LIPK: variants seen among roughly 807,000 people sequenced by gnomAD.
The protein encoded by LIPK is lipase family member K.
In LIPK, 32 loss-of-function variants were observed where a neutral mutation model predicts 48.6. That is an observed-to-expected ratio of 0.66 (90% confidence interval 0.50 to 0.88). The LOEUF is 0.88. Ranked by LOEUF, LIPK falls within the 40% of genes least tolerant of loss-of-function variation. The pLI is 0.00. For synonymous variants in LIPK, 164 were observed against 157.4 expected, an observed-to-expected ratio of 1.04 and a Z score of -0.32; for missense variants, 507 against 478.5, an observed-to-expected ratio of 1.06 and a Z score of -0.56.
Position 88,732,177 on chromosome 10 carries a change from G to C in LIPK, c.423-1G>C. The C allele has an allele frequency of 6.4e-7, 1 of 1,561,206 alleles. No homozygotes were observed. The highest frequency in any genetic ancestry group is 8.7e-7 in the Non-Finnish European group (1 of 1,147,826). ...AATTTGTTATTCCTTCTTTTTGATA[G>C]TTTGGATGAGATGGCTAAATATGAC... On this transcript the variant is annotated splice_acceptor_variant, in intron 4 of 9. Coordinates refer to ENST00000404190, the MANE Select transcript of LIPK (RefSeq NM_001080518.2). LOFTEE classifies it high-confidence loss of function.
chr10:88,709,624 A>G (rs926824092), intron 1 of LIPK, among the ~76,000 whole-genome samples: 8 of 149,666 alleles, frequency 5.3e-5, no homozygotes, highest in Admixed American at 4.7e-4. Flanking sequence ...ACTCAAGTGC[A>G]TCCTCTTTCT....
At chr10:88,726,978 A>G (rs1385589167) in intron 3 of LIPK, 66 bp downstream of exon 3, 1 of 934,952 alleles carries the variant, frequency 1.1e-6, no homozygotes, top group East Asian at 2.6e-5. Context: ...TCCTGGGAGA[A>G]GTCAAGCAGT....
intron 6 of LIPK, among the ~76,000 whole-genome samples, chr10:88,733,873 T>A (rs1842518114): frequency 6.6e-6 from 1 of 152,194 alleles, no homozygotes; most frequent in Admixed American, 6.5e-5. Flanking sequence ...AAGGAAACTT[T>A]CCAGCTTGTT....
At chr10:88,743,142 T>C in intron 8 of LIPK, 108 bp from the exon 9 acceptor site, 1 of 611,982 alleles carries the variant, frequency 1.6e-6, no homozygotes, top group Non-Finnish European at 2.8e-6. Context: ...TAGCTTATGT[T>C]TCTAAAGACT....
chr10:88,718,211 A>C (rs916903999), intron 1 of LIPK, among the ~76,000 whole-genome samples: 3 of 150,934 alleles, frequency 2.0e-5, no homozygotes, highest in Admixed American at 6.6e-5. Context: ...ATGACAGGCA[A>C]GATATGGTTT....
chr10:88,707,883 G>A (rs1043404088), intron 1 of LIPK, among the ~76,000 whole-genome samples: 3 of 152,128 alleles, frequency 2.0e-5, no homozygotes, highest in Non-Finnish European at 4.4e-5. Context: ...ACCACTAATA[G>A]TTGTGAGTCA....
At chr10:88,722,166 G>A (rs138064813) in intron 1 of LIPK, among the ~76,000 whole-genome samples, 6,060 of 152,168 alleles carry the variant, frequency 0.04, 183 homozygotes, top group Non-Finnish European at 0.058. Flanking sequence ...GTGGCGGCAC[G>A]CGCCTGTAAT....
intron 1 of LIPK, among the ~76,000 whole-genome samples, chr10:88,719,847 T>C (rs914379268): frequency 6.6e-6 from 1 of 152,230 alleles, no homozygotes; most frequent in Admixed American, 6.5e-5. Flanking sequence ...CTCTATTACT[T>C]CTGATATTCT....
chr10:88,747,813 T>A (rs1842791546), intron 9 of LIPK, among the ~76,000 whole-genome samples: 1 of 152,212 alleles, frequency 6.6e-6, no homozygotes, highest in Non-Finnish European at 1.5e-5. Flanking sequence ...TTGATGGGAA[T>A]GTGAATTAAT....
chr10:88,731,704 C>A (rs1842471646), intron 4 of LIPK, among the ~76,000 whole-genome samples: 1 of 152,192 alleles, frequency 6.6e-6, no homozygotes, highest in African/African-American at 2.4e-5. Flanking sequence ...CTAGAAAATT[C>A]CCTAGGTAAG....
intron 1 of LIPK, among the ~76,000 whole-genome samples, chr10:88,707,633 A>G (rs1161233677): frequency 1.3e-5 from 2 of 152,118 alleles, no homozygotes; most frequent in Non-Finnish European, 2.9e-5. Flanking sequence ...GCACAGAGCT[A>G]CTGGCCTCTT....
In LIPK at chr10:88,752,372, C is replaced by A. The variant is rs1007488984; in HGVS notation, c.961-145C>A. 5 of 557,036 alleles carry A rather than the reference C, an allele frequency of 9.0e-6. No individual in the cohort carries two copies. The Admixed American group carries it at 1.3e-4, about 14-fold the overall frequency. The allele number at this position is 557,036 out of a possible 1,614,324, so 34.5% of individuals were successfully genotyped here. A position where few individuals can be genotyped will look rare whatever the true frequency, so the allele number is the denominator to read the frequency against. On this transcript the variant is annotated intron_variant, in intron 9 of 9. Transcript: ENST00000404190. ...CGAGAATGGTTTCAAGTATTTTTAA[C>A]ATTTTAATGTTTATATACCATTAAG... is the stretch of plus-strand genomic sequence containing the variant.
At chr10:88,717,318 CAT>C (rs763292484) in intron 1 of LIPK, among the ~76,000 whole-genome samples, 2 of 152,136 alleles carry the variant, frequency 1.3e-5, no homozygotes, top group South Asian at 4.2e-4. Flanking sequence ...ATTTTAGAAA[CAT>C]AGCAGAAGAT....
In LIPK at chr10:88,732,409, T is replaced by C; in HGVS notation, c.533-6T>C. ...AACTATGAACTACTGTCTTCTTCCA[T>C]TTCAGCTTTTATAGCATTTTCTACA... On this transcript the variant is annotated splice_region_variant and splice_polypyrimidine_tract_variant and intron_variant, in intron 5 of 9. Transcript: ENST00000404190. 1 of 1,605,758 alleles carries C rather than the reference T, an allele frequency of 6.2e-7. No homozygotes were observed. The highest frequency in any genetic ancestry group is 8.5e-7 in the Non-Finnish European group (1 of 1,177,808).
At position 88,744,077 on chromosome 10, in the gene LIPK, T is replaced by C. The variant is rs982536841; in HGVS notation, c.960+756T>C. On this transcript the variant is annotated intron_variant, in intron 9 of 9. Coordinates refer to ENST00000404190, the MANE Select transcript of LIPK (RefSeq NM_001080518.2). ...GCTGGCCTTTGTTGACTGTTGAACC[T>C]GAACAGAACAGGGCTATCTTACCCA... 2.0e-5 allele frequency among the ~76,000 whole-genome samples: 3 copies of C among 152,222 alleles called. No homozygotes were observed. In the East Asian group the frequency reaches 5.8e-4, roughly 29 times the overall value.
intron 9 of LIPK, among the ~76,000 whole-genome samples, chr10:88,750,952 A>G (rs1012029725): frequency 3.9e-5 from 6 of 152,212 alleles, no homozygotes; most frequent in African/African-American, 1.4e-4. Flanking sequence ...TTTTTAAAGT[A>G]TATTCTCTGA....
At position 88,752,665 on chromosome 10, in the gene LIPK, A is replaced by G; in HGVS notation, c.1109A>G (p.Tyr370Cys). The change falls in exon 10 of 10, where the codon TAC (tyrosine) becomes TGC (cysteine). Residue 370 changes from tyrosine (Y) to cysteine (C), a missense_variant. Physicochemically the swap from Tyr to Cys is radical, Grantham distance 194 (BLOSUM62 -2). Coordinates refer to ENST00000404190, the MANE Select transcript of LIPK (RefSeq NM_001080518.2). ...NLIYYKLIPH[Y>C]NHVDFYLGED... ...ATTTATTACAAGCTGATTCCACACT[A>G]CAATCATGTGGATTTTTACCTTGGA... 3 of 1,577,192 alleles carry G rather than the reference A, an allele frequency of 1.9e-6. No homozygotes were observed. Among genetic ancestry groups the G allele is most frequent in the African/African-American group, 1.3e-5 (1 of 74,520 alleles).
chr10:88,741,487 G>A (rs1405897373), intron 8 of LIPK, among the ~76,000 whole-genome samples: 3 of 152,160 alleles, frequency 2.0e-5, no homozygotes, highest in African/African-American at 7.2e-5. Context: ...CAGCCTACCA[G>A]AGTGCTGGGA....
chr10:88,714,776 G>C (rs1235003421), intron 1 of LIPK, among the ~76,000 whole-genome samples: 1 of 151,824 alleles, frequency 6.6e-6, no homozygotes, highest in Non-Finnish European at 1.5e-5. Flanking sequence ...TCCTTGATTA[G>C]TTTTGTTAGG....
Sources: gnomAD v4.1 joint callset for allele counts (sites outside exome capture counted in the v4.1 genomes callset) on GRCh38, gnomAD v4.1.1 for gene constraint, MANE v1.5 for transcripts, NCBI Gene and HGNC (gene_info 2026-07-23, HGNC 2026-07-21) for gene names.